CCDC178: variants seen among roughly 807,000 people sequenced by gnomAD.
CCDC178 encodes coiled-coil domain containing 178.
CCDC178 carries 126 observed loss-of-function variants against 117.4 expected under a neutral mutation model. That is an observed-to-expected ratio of 1.07 (90% CI 0.93 to 1.24). The LOEUF (loss-of-function observed/expected upper bound fraction) is 1.24, where lower values mean the gene tolerates loss of function less well. CCDC178 is among the 50% of genes most tolerant of loss of function. CCDC178 has a pLI of 0.00. For missense variants in CCDC178, 1,030 were observed against 986.9 expected (o/e 1.04, Z -0.59); for synonymous variants, 283 against 313.4 (o/e 0.90, Z 1.02).
intron 21 of CCDC178, among the ~76,000 whole-genome samples, chr18:33,033,459 G>C (rs1220910823): frequency 2.6e-5 from 4 of 151,960 alleles, no homozygotes; most frequent in Non-Finnish European, 5.9e-5. Context: ...CTGGCTTAAG[G>C]GGTGACTCTA....
At chr18:33,298,548 G>GT (rs1346439411) in intron 11 of CCDC178, among the ~76,000 whole-genome samples, 1 of 152,116 alleles carries the variant, frequency 6.6e-6, no homozygotes, top group Non-Finnish European at 1.5e-5. Flanking sequence ...AAAGCTGAAA[G>GT]TTTTTTCTAT....
At chr18:33,324,622 A>G (rs1345213726) in intron 10 of CCDC178, among the ~76,000 whole-genome samples, 4 of 144,030 alleles carry the variant, frequency 2.8e-5, no homozygotes, top group African/African-American at 7.5e-5. Flanking sequence ...TTAAATTGAC[A>G]GGCCAAAAGG....
intron 9 of CCDC178, among the ~76,000 whole-genome samples, chr18:33,343,281 A>G (rs1460075250): frequency 6.6e-6 from 1 of 152,218 alleles, no homozygotes; most frequent in Non-Finnish European, 1.5e-5. Context: ...AATATAATAT[A>G]GGTACTCTTT....
intron 20 of CCDC178, among the ~76,000 whole-genome samples, chr18:33,187,216 A>G (rs9953291): frequency 2.6e-5 from 4 of 152,026 alleles, no homozygotes; most frequent in African/African-American, 9.7e-5. Flanking sequence ...CCCATGATCC[A>G]TCATCTCCCA....
chr18:33,163,794 C>T (rs1598949729), intron 20 of CCDC178, among the ~76,000 whole-genome samples: 1 of 152,264 alleles, frequency 6.6e-6, no homozygotes, highest in East Asian at 1.9e-4. Context: ...AATGTTGTTT[C>T]AGTAAGTTTT....
At chr18:33,023,762 A>G (rs2056169626) in intron 21 of CCDC178, among the ~76,000 whole-genome samples, 2 of 152,132 alleles carry the variant, frequency 1.3e-5, no homozygotes, top group Admixed American at 6.5e-5. Flanking sequence ...AAACAATAAA[A>G]TCAATAAAAT....
At chr18:33,318,706 A>G (rs2062456436) in intron 11 of CCDC178, among the ~76,000 whole-genome samples, 1 of 152,188 alleles carries the variant, frequency 6.6e-6, no homozygotes, top group South Asian at 2.1e-4. Context: ...ATAAAAATTA[A>G]CACCTAGAAT....
intron 20 of CCDC178, among the ~76,000 whole-genome samples, chr18:33,187,687 A>C (rs780379322): frequency 3.9e-5 from 6 of 152,182 alleles, no homozygotes; most frequent in Non-Finnish European, 7.4e-5. Context: ...AGGCTGGATC[A>C]GGCCAAATTT....
At chr18:33,169,022 C>T (rs1371720992) in intron 20 of CCDC178, among the ~76,000 whole-genome samples, 2 of 151,708 alleles carry the variant, frequency 1.3e-5, no homozygotes, top group Non-Finnish European at 2.9e-5. Context: ...TTTTTTTTAA[C>T]ATCTGGATAG....
chr18:33,195,658 CA>C (rs2058921793), intron 20 of CCDC178, among the ~76,000 whole-genome samples: 1 of 152,140 alleles, frequency 6.6e-6, no homozygotes, highest in South Asian at 2.1e-4. Context: ...GACTATTGAA[CA>C]GTATCTTGAA....
At chr18:33,232,251 C>G (rs904082827) in intron 15 of CCDC178, among the ~76,000 whole-genome samples, 1 of 152,092 alleles carries the variant, frequency 6.6e-6, no homozygotes, top group Non-Finnish European at 1.5e-5. Context: ...GGAATAGATT[C>G]CTGTACTAGG....
intron 20 of CCDC178, among the ~76,000 whole-genome samples, chr18:33,158,995 C>T (rs543369542): frequency 2.6e-5 from 4 of 152,110 alleles, no homozygotes; most frequent in South Asian, 4.1e-4. Flanking sequence ...AGGACAGCCT[C>T]GTTGTCATAT....
At chr18:33,431,191 C>CTTTTTTT (rs35139388) in intron 2 of CCDC178, among the ~76,000 whole-genome samples, 258 of 116,934 alleles carry the variant, frequency 2.2e-3, no homozygotes, top group Middle Eastern at 5.6e-3. Flanking sequence ...AATGATTTAA[C>CTTTTTTT]TTTTTTTTTT....
chr18:33,318,305 G>A (rs2062448172), intron 11 of CCDC178, among the ~76,000 whole-genome samples: 1 of 152,146 alleles, frequency 6.6e-6, no homozygotes, highest in Non-Finnish European at 1.5e-5. Flanking sequence ...TCAGTAAAAT[G>A]AATATCAGGG....
At chr18:33,169,758 T>C (rs1273545736) in intron 20 of CCDC178, among the ~76,000 whole-genome samples, 1 of 152,168 alleles carries the variant, frequency 6.6e-6, no homozygotes, top group Non-Finnish European at 1.5e-5. Context: ...TCTGTGCTTG[T>C]AGTATAGGAA....
In CCDC178 at chr18:33,348,064, T is replaced by C. The variant is rs546696252; in HGVS notation, c.457+826A>G. Among the ~76,000 whole-genome samples, 35 of 152,120 alleles carry C rather than the reference T, an allele frequency of 2.3e-4. 1 individual carries two copies. The South Asian group carries it at 3.7e-3, about 16-fold the overall frequency. On this transcript the variant is annotated intron_variant, in intron 8 of 22. Coordinates refer to ENST00000383096, the MANE Select transcript of CCDC178 (RefSeq NM_001105528.4). ...GTAGTTGTGATTGTTAATATATCTATTTTTTCTCAGCATTTGTTATGTGAA... is the reference window on the plus strand; with the variant it reads ...GTAGTTGTGATTGTTAATATATCTACTTTTTCTCAGCATTTGTTATGTGAA...
intron 22 of CCDC178, among the ~76,000 whole-genome samples, chr18:32,947,544 TGTGA>T (rs1181830255): frequency 2.0e-5 from 3 of 152,208 alleles, no homozygotes; most frequent in Non-Finnish European, 4.4e-5. Flanking sequence ...CTTTTCTTTT[TGTGA>T]GTATCTATTT....
intron 14 of CCDC178, among the ~76,000 whole-genome samples, chr18:33,247,942 T>C (rs1156899434): frequency 3.3e-5 from 5 of 151,826 alleles, no homozygotes; most frequent in African/African-American, 4.8e-5. Flanking sequence ...CCATACTCCC[T>C]ATGAAGATTA....
intron 12 of CCDC178, among the ~76,000 whole-genome samples, chr18:33,290,857 T>C (rs568848722): frequency 7.6e-4 from 115 of 152,044 alleles, no homozygotes; most frequent in Non-Finnish European, 1.5e-3. Context: ...TAAAGAAAAC[T>C]CATCAGTAAA....
Sources: gnomAD v4.1 joint callset for allele counts (sites outside exome capture counted in the v4.1 genomes callset) on GRCh38, gnomAD v4.1.1 for gene constraint, MANE v1.5 for transcripts, NCBI Gene and HGNC (gene_info 2026-07-23, HGNC 2026-07-21) for gene names.